UNC5C: variants seen among roughly 807,000 people sequenced by gnomAD.
UNC5C encodes the protein netrin receptor UNC5C.
UNC5C carries 47 observed loss-of-function variants against 99.8 expected under a neutral mutation model. That is an observed-to-expected ratio of 0.47 (90% CI 0.37 to 0.60). The LOEUF (loss-of-function observed/expected upper bound fraction) is 0.60. Among genes scored for constraint, UNC5C ranks in the 20% least tolerant of loss-of-function variants. The pLI, the probability that UNC5C is intolerant of heterozygous loss-of-function variation, is 0.00. For synonymous variants in UNC5C, 487 were observed against 452.2 expected (o/e 1.08, Z -0.98); for missense variants, 1,062 against 1,165.9 (o/e 0.91, Z 1.30).
intron 1 of UNC5C, among the ~76,000 whole-genome samples, chr4:95,440,042 C>T (rs1349431273): frequency 2.6e-5 from 4 of 152,180 alleles, no homozygotes; most frequent in Non-Finnish European, 5.9e-5. Flanking sequence ...TGTGCAAAAT[C>T]GGCCACCTGT....
At chr4:95,499,763 G>C (rs1383644397) in intron 1 of UNC5C, among the ~76,000 whole-genome samples, 1 of 152,036 alleles carries the variant, frequency 6.6e-6, no homozygotes, top group Non-Finnish European at 1.5e-5. Flanking sequence ...ATTAAGGTAA[G>C]TTTACATTGA....
intron 3 of UNC5C, among the ~76,000 whole-genome samples, chr4:95,292,518 T>A (rs1242583096): frequency 6.6e-6 from 1 of 152,106 alleles, no homozygotes; most frequent in Admixed American, 6.5e-5. Flanking sequence ...TTTGAATTAA[T>A]CAGTGAAAAA....
intron 1 of UNC5C, among the ~76,000 whole-genome samples, chr4:95,346,669 A>T (rs1401733902): frequency 6.6e-6 from 1 of 151,786 alleles, no homozygotes; most frequent in East Asian, 1.9e-4. Context: ...GAGAATGAAA[A>T]TCAACAACAT....
chr4:95,182,116 A>G (rs914730556), intron 14 of UNC5C, among the ~76,000 whole-genome samples: 2 of 152,126 alleles, frequency 1.3e-5, no homozygotes, highest in African/African-American at 4.8e-5. Flanking sequence ...TTTGGATCCA[A>G]GGTAACAGAT....
intron 3 of UNC5C, among the ~76,000 whole-genome samples, chr4:95,289,500 G>A (rs1741365240): frequency 6.6e-6 from 1 of 152,104 alleles, no homozygotes; most frequent in Non-Finnish European, 1.5e-5. Context: ...CATATTTTCA[G>A]GTGCTTTTCA....
chr4:95,521,210 CTTTTTTCTTTTTTCTTTTT>C (rs1238724028), intron 1 of UNC5C, among the ~76,000 whole-genome samples: 1 of 84,352 alleles, frequency 1.2e-5, no homozygotes, highest in Non-Finnish European at 2.2e-5. Context: ...TTTTTTTTTT[CTTTTTTCTTTTTTCTTTTT>C]TTTTTGAGGT....
chr4:95,497,652 A>G (rs1721665681), intron 1 of UNC5C, among the ~76,000 whole-genome samples: 1 of 152,028 alleles, frequency 6.6e-6, no homozygotes, highest in South Asian at 2.1e-4. Flanking sequence ...CACAGATAAA[A>G]TAATAGTATT....
intron 1 of UNC5C, among the ~76,000 whole-genome samples, chr4:95,373,724 T>C (rs1409093199): frequency 3.3e-5 from 5 of 152,128 alleles, no homozygotes; most frequent in African/African-American, 1.2e-4. Flanking sequence ...ATAAATAGCT[T>C]AGCTGTTGAA....
At chr4:95,522,964 A>G (rs1457664681) in intron 1 of UNC5C, among the ~76,000 whole-genome samples, 1 of 72,262 alleles carries the variant, frequency 1.4e-5, no homozygotes, top group East Asian at 3.8e-4. Flanking sequence ...CTAGAAAATT[A>G]CAGTGTGTTT....
At chr4:95,353,722 G>A (rs1460788903) in intron 1 of UNC5C, among the ~76,000 whole-genome samples, 1 of 151,920 alleles carries the variant, frequency 6.6e-6, no homozygotes, top group Non-Finnish European at 1.5e-5. Flanking sequence ...AGAAAACTTA[G>A]TTGATGTGGT....
At position 95,296,636 on chromosome 4, in the gene UNC5C, T is replaced by C. The variant is rs1479027534; in HGVS notation, c.490+4970A>G. On this transcript the variant is annotated intron_variant, in intron 3 of 15. Coordinates refer to ENST00000453304, the MANE Select transcript of UNC5C (RefSeq NM_003728.4). ...CTATGCAGCTCTTAAAGTTCAGCTT[T>C]AGCAAGTCAATGTAGTGTGGAATGT... 3.3e-5 allele frequency among the ~76,000 whole-genome samples: 5 copies of C among 152,192 alleles called. No individual in the cohort carries two copies. The East Asian group carries it at 9.6e-4, about 29-fold the overall frequency.
At chr4:95,341,360 T>C (rs1476153970) in intron 1 of UNC5C, among the ~76,000 whole-genome samples, 1 of 151,796 alleles carries the variant, frequency 6.6e-6, no homozygotes, top group Non-Finnish European at 1.5e-5. Context: ...CCAATAGAAA[T>C]AAGAAAGTGG....
At chr4:95,476,561 TG>T (rs1291876914) in intron 1 of UNC5C, among the ~76,000 whole-genome samples, 1 of 152,110 alleles carries the variant, frequency 6.6e-6, no homozygotes, top group Non-Finnish European at 1.5e-5. Context: ...CTATTACCTT[TG>T]CTAAATTTAA....
intron 7 of UNC5C, among the ~76,000 whole-genome samples, chr4:95,223,890 A>G (rs1738570665): frequency 6.6e-6 from 1 of 152,234 alleles, no homozygotes; most frequent in Non-Finnish European, 1.5e-5. Flanking sequence ...TAAGTAGAAG[A>G]ATGTCAAAAG....
chr4:95,509,748 G>A (rs1181955381), intron 1 of UNC5C, among the ~76,000 whole-genome samples: 2 of 151,730 alleles, frequency 1.3e-5, no homozygotes, highest in Non-Finnish European at 2.9e-5. Flanking sequence ...TGATGTTAGA[G>A]TAGCAGGCCA....
chr4:95,173,256 G>A (rs2149344906), intron 14 of UNC5C, among the ~76,000 whole-genome samples: 1 of 135,836 alleles, frequency 7.4e-6, no homozygotes, highest in African/African-American at 2.6e-5. Flanking sequence ...TAATTGCCCT[G>A]GCCAGAACTT....
In UNC5C at chr4:95,212,715, G is replaced by A. The variant is rs371670950; in HGVS notation, c.1733+3409C>T. Among the ~76,000 whole-genome samples the A allele has an allele frequency of 4.0e-4, 61 of 152,200 alleles. No homozygotes were observed. The South Asian group carries it at 0.012, about 30-fold the overall frequency. ...ACTGAACGCATCCAAACTGGAATCT[G>A]TCCTCTCCCCTGGAGCCACTGCTGC... On this transcript the variant is annotated intron_variant, in intron 10 of 15. Transcript: ENST00000453304.
At chr4:95,357,587 A>T (rs1465072670) in intron 1 of UNC5C, among the ~76,000 whole-genome samples, 1 of 152,096 alleles carries the variant, frequency 6.6e-6, no homozygotes, top group Non-Finnish European at 1.5e-5. Flanking sequence ...GTTCGAGGTC[A>T]GCCTGATCAA....
chr4:95,220,238 G>A lies in UNC5C; in HGVS notation c.1109-62C>T. The A allele has an allele frequency of 2.2e-6, 3 of 1,385,488 alleles. No homozygotes were observed. The South Asian group carries it at 4.8e-5, about 22-fold the overall frequency. The allele number at this position is 1,385,488 out of a possible 1,614,324, so 85.8% of individuals were successfully genotyped here. On this transcript the variant is annotated intron_variant, in intron 7 of 15. Coordinates refer to ENST00000453304, the MANE Select transcript of UNC5C (RefSeq NM_003728.4). ...TAGAAATTTCCCACAGTACACATAT[G>A]TATTGCTATAATTTTTTCAGACATT...
Sources: gnomAD v4.1 joint callset for allele counts (sites outside exome capture counted in the v4.1 genomes callset) on GRCh38, gnomAD v4.1.1 for gene constraint, MANE v1.5 for transcripts, NCBI Gene and HGNC (gene_info 2026-07-23, HGNC 2026-07-21) for gene names.